PPP2R5E: variants seen among roughly 807,000 people sequenced by gnomAD.
The protein encoded by PPP2R5E is protein phosphatase 2 regulatory subunit B'epsilon.
A neutral mutation model predicts 65.3 loss-of-function variants in PPP2R5E; 4 were observed. The observed-to-expected ratio is 0.06, with a 90% confidence interval of 0.03 to 0.14. The LOEUF (loss-of-function observed/expected upper bound fraction) is 0.14, where lower values mean the gene tolerates loss of function less well. Among genes scored for constraint, PPP2R5E ranks in the 10% least tolerant of loss-of-function variants. The pLI is 1.00. For synonymous variants in PPP2R5E, 183 were observed against 187.4 expected, an observed-to-expected ratio of 0.98 and a Z score of 0.19; for missense variants, 274 against 556.1, an observed-to-expected ratio of 0.49 and a Z score of 5.10.
At chr14:63,430,421 G>GCATGCATA (rs1887612462) in intron 3 of PPP2R5E, among the ~76,000 whole-genome samples, 1 of 144,074 alleles carries the variant, frequency 6.9e-6, no homozygotes, top group African/African-American at 2.6e-5. Flanking sequence ...ATACATACAT[G>GCATGCATA]CATACATACA....
intron 5 of PPP2R5E, among the ~76,000 whole-genome samples, chr14:63,407,866 G>A (rs1886178125): frequency 6.6e-6 from 1 of 152,216 alleles, no homozygotes; most frequent in African/African-American, 2.4e-5. Flanking sequence ...CTTCCACCAT[G>A]TGAGGGCACA....
chr14:63,463,149 T>A (rs543955581), intron 2 of PPP2R5E, among the ~76,000 whole-genome samples: 4 of 150,720 alleles, frequency 2.7e-5, no homozygotes, highest in Admixed American at 6.6e-5. Context: ...TTTGTTTTTG[T>A]TTTTGTTTTT....
intron 3 of PPP2R5E, among the ~76,000 whole-genome samples, chr14:63,437,111 T>C (rs1887984766): frequency 6.6e-6 from 1 of 152,152 alleles, no homozygotes; most frequent in Non-Finnish European, 1.5e-5. Flanking sequence ...TGGTACTACA[T>C]GGTACCACAT....
At chr14:63,419,401 T>C (rs186155158) in intron 4 of PPP2R5E, among the ~76,000 whole-genome samples, 5 of 152,192 alleles carry the variant, frequency 3.3e-5, no homozygotes, top group South Asian at 4.1e-4. Flanking sequence ...GTCAGAAAAA[T>C]AGACAGTTGG....
At chr14:63,461,849 C>T (rs1253630778) in intron 2 of PPP2R5E, among the ~76,000 whole-genome samples, 2 of 150,974 alleles carry the variant, frequency 1.3e-5, no homozygotes, top group African/African-American at 4.9e-5. Context: ...CTCACACATA[C>T]ACACACACAC....
intron 3 of PPP2R5E, among the ~76,000 whole-genome samples, chr14:63,450,075 C>T (rs1220324364): frequency 6.6e-6 from 1 of 151,970 alleles, no homozygotes; most frequent in East Asian, 1.9e-4. Flanking sequence ...GGGCTTTCAC[C>T]ATGTTGGACA....
At chr14:63,430,531 C>A (rs1308640683) in intron 3 of PPP2R5E, among the ~76,000 whole-genome samples, 2 of 151,946 alleles carry the variant, frequency 1.3e-5, no homozygotes, top group African/African-American at 4.8e-5. Context: ...TTTGGTAACA[C>A]CAAATTTAAG....
chr14:63,482,441 A>G (rs1410863320), intron 2 of PPP2R5E, among the ~76,000 whole-genome samples: 1 of 152,216 alleles, frequency 6.6e-6, no homozygotes, highest in Non-Finnish European at 1.5e-5. Context: ...CCTGGGTGAC[A>G]GAGTGGGACT....
At chr14:63,457,219 T>C (rs1245608513) in intron 2 of PPP2R5E, among the ~76,000 whole-genome samples, 2 of 152,136 alleles carry the variant, frequency 1.3e-5, no homozygotes, top group Non-Finnish European at 2.9e-5. Context: ...AGGCCAGAGA[T>C]CAGAGAAGGA....
Position 63,431,678 on chromosome 14 carries a change from A to T in PPP2R5E, c.355-9584T>A, listed in dbSNP as rs1027920215. Among the ~76,000 whole-genome samples, 3 of 152,300 alleles carry T rather than the reference A, an allele frequency of 2.0e-5. No homozygotes were observed. In the South Asian group the frequency reaches 6.2e-4, roughly 32 times the overall value. On this transcript the variant is annotated intron_variant, in intron 3 of 13. Coordinates refer to ENST00000337537, the MANE Select transcript of PPP2R5E (RefSeq NM_006246.5). ...CTTTTGTGAAGACATTCACTGAACC[A>T]ATGACAGGGTGCATTGTTTACATGT... is the stretch of plus-strand genomic sequence containing the variant.
At chr14:63,398,345 A>C (rs2139808645) in intron 5 of PPP2R5E, among the ~76,000 whole-genome samples, 1 of 152,370 alleles carries the variant, frequency 6.6e-6, no homozygotes, top group East Asian at 1.9e-4. Flanking sequence ...TTCAAAACTT[A>C]GTCCAAAATA....
At chr14:63,396,294 A>C (rs1885389695) in intron 6 of PPP2R5E, among the ~76,000 whole-genome samples, 1 of 86,116 alleles carries the variant, frequency 1.2e-5, no homozygotes, top group Non-Finnish European at 2.3e-5. Context: ...GGAGGGATAG[A>C]GAAGAAGCAG....
At chr14:63,519,679 T>A (rs1436948439) in intron 2 of PPP2R5E, among the ~76,000 whole-genome samples, 1 of 150,510 alleles carries the variant, frequency 6.6e-6, no homozygotes, top group African/African-American at 2.5e-5. Flanking sequence ...TTTTTTTTTT[T>A]TTGAGACAGA....
At chr14:63,491,725 T>C (rs889918197) in intron 2 of PPP2R5E, among the ~76,000 whole-genome samples, 2 of 152,002 alleles carry the variant, frequency 1.3e-5, no homozygotes, top group African/African-American at 4.8e-5. Context: ...CATGCACCTG[T>C]AGTCCCAGCT....
intron 3 of PPP2R5E, among the ~76,000 whole-genome samples, 166 bp from the exon 4 acceptor site, chr14:63,422,260 A>G (rs74060083): frequency 0.016 from 2,374 of 152,270 alleles, 58 homozygotes; most frequent in African/African-American, 0.054. Flanking sequence ...GACCACCTCC[A>G]GGCAAGCTGG....
intron 4 of PPP2R5E, among the ~76,000 whole-genome samples, chr14:63,418,807 G>T: frequency 6.8e-6 from 1 of 146,848 alleles, no homozygotes; most frequent in African/African-American, 2.5e-5. Flanking sequence ...GATCCCAAAA[G>T]ATCCACAATT....
At chr14:63,485,211 A>C (rs965531314) in intron 2 of PPP2R5E, among the ~76,000 whole-genome samples, 3 of 152,128 alleles carry the variant, frequency 2.0e-5, no homozygotes, top group African/African-American at 4.8e-5. Context: ...AAAAAAAAAA[A>C]AAAAACATAC....
intron 5 of PPP2R5E, among the ~76,000 whole-genome samples, chr14:63,413,957 A>C (rs993289392): frequency 2.6e-5 from 4 of 152,158 alleles, no homozygotes; most frequent in African/African-American, 9.7e-5. Flanking sequence ...GGTACTAATG[A>C]GCCGCACAGG....
chr14:63,390,086 A>T (rs575291615), intron 10 of PPP2R5E, among the ~76,000 whole-genome samples: 30 of 150,392 alleles, frequency 2.0e-4, no homozygotes, highest in Admixed American at 4.6e-4. Context: ...TTTTTTTTTT[A>T]AAAAAAACAA....
Sources: gnomAD v4.1 joint callset for allele counts (sites outside exome capture counted in the v4.1 genomes callset) on GRCh38, gnomAD v4.1.1 for gene constraint, MANE v1.5 for transcripts, NCBI Gene and HGNC (gene_info 2026-07-23, HGNC 2026-07-21) for gene names.